MAML2: variants seen among roughly 807,000 people sequenced by gnomAD.
The protein encoded by MAML2 is mastermind like transcriptional coactivator 2.
A neutral mutation model predicts 96.1 loss-of-function variants in MAML2; 22 were observed. That is an observed-to-expected ratio of 0.23 (90% CI 0.16 to 0.33). The LOEUF (loss-of-function observed/expected upper bound fraction) is 0.33, where lower values mean the gene tolerates loss of function less well. Ranked by LOEUF, MAML2 falls within the 10% of genes least tolerant of loss-of-function variation. The pLI is 1.00. For missense variants in MAML2, 1,367 were observed against 1,392.4 expected, an observed-to-expected ratio of 0.98 and a Z score of 0.29; for synonymous variants, 561 against 521.3, an observed-to-expected ratio of 1.08 and a Z score of -1.04.
Position 96,169,659 on chromosome 11 carries a change from CT to C in MAML2, c.514-76143del, listed in dbSNP as rs5793784. 1.7e-4 allele frequency among the ~76,000 whole-genome samples: 24 copies of C among 144,928 alleles called. 1 individual carries two copies. Among genetic ancestry groups the C allele is most frequent in the South Asian group, 2.2e-4 (1 of 4,640 alleles). On this transcript the variant is annotated intron_variant, in intron 1 of 4. Coordinates refer to ENST00000524717, the MANE Select transcript of MAML2 (RefSeq NM_032427.4). ...AAAGACAAACAGAAAAGAAAGTAAA[CT>C]TTTTTTTTTTTTTGAGATGGAGTCT...
At chr11:96,147,104 G>A (rs1860833569) in intron 1 of MAML2, among the ~76,000 whole-genome samples, 1 of 152,150 alleles carries the variant, frequency 6.6e-6, no homozygotes, top group Admixed American at 6.5e-5. Flanking sequence ...CTTAGTATCT[G>A]GCTCATTGTA....
intron 1 of MAML2, among the ~76,000 whole-genome samples, chr11:96,238,111 C>G (rs866886422): frequency 6.6e-6 from 1 of 152,172 alleles, no homozygotes. Flanking sequence ...CCTGAAATAC[C>G]CAGCTCTCAG....
intron 1 of MAML2, among the ~76,000 whole-genome samples, chr11:96,314,803 G>C (rs940688491): frequency 1.3e-5 from 2 of 152,228 alleles, no homozygotes; most frequent in Non-Finnish European, 2.9e-5. Flanking sequence ...TGGGTCCAGA[G>C]GGGAAGTAGT....
intron 1 of MAML2, among the ~76,000 whole-genome samples, chr11:96,178,826 A>G (rs1177465969): frequency 6.6e-6 from 1 of 152,190 alleles, no homozygotes; most frequent in Admixed American, 6.5e-5. Flanking sequence ...AGGAAGAACA[A>G]AAGGATCAGG....
At chr11:96,020,113 T>A (rs1858414342) in intron 2 of MAML2, among the ~76,000 whole-genome samples, 1 of 152,100 alleles carries the variant, frequency 6.6e-6, no homozygotes, top group Non-Finnish European at 1.5e-5. Context: ...CACACACAGA[T>A]TTAGTAGGGG....
At chr11:96,169,039 C>T (rs546927642) in intron 1 of MAML2, among the ~76,000 whole-genome samples, 3 of 152,192 alleles carry the variant, frequency 2.0e-5, no homozygotes, top group Non-Finnish European at 4.4e-5. Context: ...TAGCAGGCCA[C>T]TTTGCTTTTC....
chr11:95,993,384 A>G (rs918115948), intron 2 of MAML2, among the ~76,000 whole-genome samples: 3 of 152,172 alleles, frequency 2.0e-5, no homozygotes, highest in Admixed American at 6.6e-5. Flanking sequence ...CCTGGCCAAC[A>G]TGGTTAAACC....
At chr11:96,231,189 A>G (rs1042357107) in intron 1 of MAML2, among the ~76,000 whole-genome samples, 1 of 152,196 alleles carries the variant, frequency 6.6e-6, no homozygotes, top group African/African-American at 2.4e-5. Flanking sequence ...TCCCACAGGT[A>G]AAATTATTTC....
At chr11:96,238,864 G>T (rs907268490) in intron 1 of MAML2, among the ~76,000 whole-genome samples, 2 of 152,180 alleles carry the variant, frequency 1.3e-5, no homozygotes, top group African/African-American at 4.8e-5. Context: ...ATTTAAAAAG[G>T]GATTTGTTGA....
intron 2 of MAML2, among the ~76,000 whole-genome samples, chr11:96,045,857 C>T (rs7104607): frequency 6.0e-5 from 9 of 150,120 alleles, no homozygotes; most frequent in African/African-American, 1.7e-4. Context: ...TCCCTCGTAA[C>T]CTTTTGCTGC....
chr11:96,241,684 G>T (rs557815556), intron 1 of MAML2, among the ~76,000 whole-genome samples: 1 of 152,200 alleles, frequency 6.6e-6, no homozygotes, highest in Non-Finnish European at 1.5e-5. Context: ...CCCTGGGACA[G>T]TGTTGATTGC....
chr11:96,257,646 C>A (rs917952598), intron 1 of MAML2, among the ~76,000 whole-genome samples: 1 of 152,096 alleles, frequency 6.6e-6, no homozygotes, highest in Admixed American at 6.6e-5. Flanking sequence ...TTGATGGCAA[C>A]CCCCTTTTTA....
chr11:96,083,034 A>G (rs1017248753), intron 2 of MAML2, among the ~76,000 whole-genome samples: 1 of 152,216 alleles, frequency 6.6e-6, no homozygotes, highest in African/African-American at 2.4e-5. Context: ...GATGGAATAC[A>G]TCTCCTGGAG....
At chr11:96,291,411 G>A in intron 1 of MAML2, among the ~76,000 whole-genome samples, 1 of 152,122 alleles carries the variant, frequency 6.6e-6, no homozygotes, top group African/African-American at 2.4e-5. Flanking sequence ...ACAGGCATGA[G>A]CCACTGCGCC....
intron 4 of MAML2, among the ~76,000 whole-genome samples, chr11:95,981,186 C>T (rs1399718748): frequency 3.3e-5 from 5 of 152,184 alleles, no homozygotes; most frequent in East Asian, 1.9e-4. Context: ...CATGTGTCCA[C>T]GAACCTAATC....
intron 1 of MAML2, among the ~76,000 whole-genome samples, chr11:96,334,317 T>G (rs1863890105): frequency 6.6e-6 from 1 of 152,174 alleles, no homozygotes; most frequent in Admixed American, 6.5e-5. Flanking sequence ...CAGCTAAAAT[T>G]TATTGAGCCT....
Position 96,241,948 on chromosome 11 carries a change from T to C in MAML2, c.513+99435A>G, listed in dbSNP as rs144247485. On this transcript the variant is annotated intron_variant, in intron 1 of 4. Coordinates refer to ENST00000524717, the MANE Select transcript of MAML2 (RefSeq NM_032427.4). Reference sequence around the variant, plus strand: ...TATTTGGGTTTTATTCAGTTCAGGGTTCAGCAAATTAGCAAAATTACAGCT... The same window carrying C: ...TATTTGGGTTTTATTCAGTTCAGGGCTCAGCAAATTAGCAAAATTACAGCT... Among the ~76,000 whole-genome samples, 580 of 152,326 alleles carry C rather than the reference T, an allele frequency of 3.8e-3. 6 individuals are homozygous for C. Among genetic ancestry groups the C allele is most frequent in the South Asian group, 0.03 (143 of 4,822 alleles).
chr11:96,219,040 T>C (rs1862093850), intron 1 of MAML2, among the ~76,000 whole-genome samples: 1 of 152,238 alleles, frequency 6.6e-6, no homozygotes, highest in African/African-American at 2.4e-5. Flanking sequence ...AAGTGGAGAC[T>C]GTCCCACCAC....
chr11:96,193,856 A>G (rs1360474335), intron 1 of MAML2, among the ~76,000 whole-genome samples: 1 of 152,226 alleles, frequency 6.6e-6, no homozygotes, highest in East Asian at 1.9e-4. Flanking sequence ...AAACATATCA[A>G]AAGTAGCTGA....
Sources: gnomAD v4.1 joint callset for allele counts (sites outside exome capture counted in the v4.1 genomes callset) on GRCh38, gnomAD v4.1.1 for gene constraint, MANE v1.5 for transcripts, NCBI Gene and HGNC (gene_info 2026-07-23, HGNC 2026-07-21) for gene names.